The following IBA57 variants were observed in gnomAD, a reference collection of about 807,000 sequenced individuals.
IBA57 encodes iron-sulfur cluster assembly factor IBA57, mitochondrial.
A neutral mutation model predicts 20.4 loss-of-function variants in IBA57; 20 were observed. The ratio of observed to expected loss-of-function variants is 0.98; its 90% CI spans 0.69 to 1.42. The LOEUF (loss-of-function observed/expected upper bound fraction) is 1.42. Among genes scored for constraint, IBA57 ranks in the 40% most tolerant of loss-of-function variants. IBA57 has a pLI of 0.00. For missense variants in IBA57, 608 were observed against 499.3 expected, an observed-to-expected ratio of 1.22 and a Z score of -2.07; for synonymous variants, 310 against 233.9, an observed-to-expected ratio of 1.33 and a Z score of -2.97.
rs2035041444 is a variant in IBA57, at chr1:228,177,280, T to G, written c.*1767T>G. The G allele has an allele frequency of 6.6e-6, 1 of 152,214 alleles. No homozygotes were observed. Among genetic ancestry groups the G allele is most frequent in the African/African-American group, 2.4e-5 (1 of 41,402 alleles). 9.4% of individuals were successfully genotyped at this position (152,214 alleles called of 1,614,324 possible). ...TTTCCAGTGGGGCCTCCTTGAGTGCTGCAGCATCTGGGAGCATCCTAGCCT... is the reference window on the plus strand; with the variant it reads ...TTTCCAGTGGGGCCTCCTTGAGTGCGGCAGCATCTGGGAGCATCCTAGCCT... On this transcript the variant is annotated 3_prime_UTR_variant, in exon 3 of 3. Coordinates refer to ENST00000366711, the MANE Select transcript of IBA57 (RefSeq NM_001010867.4).
rs371005303 is a variant in IBA57 at position 228,182,192 on chromosome 1, C to T, written c.*6679C>T. The T allele has an allele frequency of 2.0e-4, 31 of 151,588 alleles. No individual in the cohort carries two copies. Among genetic ancestry groups the T allele is most frequent in the Admixed American group, 5.2e-4 (8 of 15,262 alleles). The allele number at this position is 151,588 out of a possible 1,614,324, so 9.4% of individuals were successfully genotyped here. ...CCATCTTTCATTGATTCATTCATTT[C>T]TTCATTCATTCAACCATGTATTGAA... is the stretch of plus-strand genomic sequence containing the variant. On this transcript the variant is annotated 3_prime_UTR_variant, in exon 3 of 3. Coordinates refer to ENST00000366711, the MANE Select transcript of IBA57 (RefSeq NM_001010867.4).
rs1359521449 is a variant in IBA57 at position 228,181,697 on chromosome 1, G to C, written c.*6184G>C. The C allele has an allele frequency of 6.6e-6, 1 of 152,262 alleles. No individual in the cohort carries two copies. The highest frequency in any genetic ancestry group is 1.5e-5 in the Non-Finnish European group (1 of 68,048). 9.4% of individuals were successfully genotyped at this position (152,262 alleles called of 1,614,324 possible). On this transcript the variant is annotated 3_prime_UTR_variant, in exon 3 of 3. Transcript: ENST00000366711. ...CTAGGAACTGCCAGACATTTTCCCG[G>C]AGTGAGTGCAGCATTTACATTCCCA...
At position 228,175,665 on chromosome 1, in the gene IBA57, C is replaced by A; in HGVS notation, c.*152C>A. On this transcript the variant is annotated 3_prime_UTR_variant, in exon 3 of 3. Coordinates refer to ENST00000366711, the MANE Select transcript of IBA57 (RefSeq NM_001010867.4). ...GAAAGTCCCCCTTGTAGGTGCCCTG[C>A]CTGGCCCCACCCATGCTCAGGGGCC... 2.0e-6 allele frequency: 2 copies of A among 990,936 alleles called. No individual in the cohort carries two copies. The highest frequency in any genetic ancestry group is 5.7e-5 in the East Asian group (2 of 35,202). The allele number at this position is 990,936 out of a possible 1,614,324, so 61.4% of individuals were successfully genotyped here.
chr1:228,166,306 G>A (rs1303122653), intron 1 of IBA57, 149 bp downstream of exon 1: 4 of 516,688 alleles, frequency 7.7e-6, no homozygotes, highest in Non-Finnish European at 1.3e-5. Flanking sequence ...GAAGCTCAAG[G>A]GTGGGTGGGC....
At position 228,175,341 on chromosome 1, in the gene IBA57, T is replaced by C; in HGVS notation, c.899T>C (p.Leu300Pro). ...TSGITPGATV[L>P]TASGQTVGKF... Reference sequence around the variant, plus strand: ...GGCATCACCCCTGGTGCCACGGTGCTGACTGCCTCAGGACAGACTGTGGGC... The same window carrying C: ...GGCATCACCCCTGGTGCCACGGTGCCGACTGCCTCAGGACAGACTGTGGGC... The change falls in exon 3 of 3, where the codon CTG (leucine) becomes CCG (proline). Residue 300 changes from leucine (L) to proline (P), a missense_variant. By Grantham distance (98) the Leu-to-Pro change is moderately conservative. Transcript: ENST00000366711. The C allele has an allele frequency of 1.2e-6, 2 of 1,612,992 alleles. No homozygotes were observed. The highest frequency in any genetic ancestry group is 1.7e-6 in the Non-Finnish European group (2 of 1,179,988).
At chr1:228,169,389 A>T (rs965500582) in intron 1 of IBA57, among the ~76,000 whole-genome samples, 1 of 152,150 alleles carries the variant, frequency 6.6e-6, no homozygotes. Context: ...ATGAAACTAT[A>T]GTTATTTGGT....
chr1:228,169,969 C>T (rs570425666), intron 1 of IBA57, among the ~76,000 whole-genome samples: 9 of 152,178 alleles, frequency 5.9e-5, no homozygotes, highest in East Asian at 3.9e-4. Context: ...CAGGTTCAAG[C>T]GATTCTCCTG....
Position 228,179,589 on chromosome 1 carries a change from C to A in IBA57, c.*4076C>A, listed in dbSNP as rs2035076937. On this transcript the variant is annotated 3_prime_UTR_variant, in exon 3 of 3. Transcript: ENST00000366711. The stretch of plus-strand genomic sequence containing the variant: ...AAATACGGCTGAGAACTTTCCCAAA[C>A]CAACAGGAGCCCCTGCTCCTTAGGT... 6.6e-6 allele frequency: 1 copy of A among 152,142 alleles called. No individual in the cohort carries two copies. The highest frequency in any genetic ancestry group is 2.1e-4 in the South Asian group (1 of 4,824). The allele number at this position is 152,142 out of a possible 1,614,324, so 9.4% of individuals were successfully genotyped here.
At chr1:228,166,633 G>A (rs2034857626) in intron 1 of IBA57, among the ~76,000 whole-genome samples, 1 of 152,218 alleles carries the variant, frequency 6.6e-6, no homozygotes, top group Non-Finnish European at 1.5e-5. Flanking sequence ...TGACACTCCC[G>A]AGTTCTGTTT....
rs1414600826 is a variant in IBA57 at position 228,165,991 on chromosome 1, C to T, written c.175C>T (p.Leu59=). The change falls in exon 1 of 3, where the codon CTG becomes TTG. Residue 59 remains leucine, a synonymous_variant. Transcript: ENST00000366711. ...CTTCCGGCTGGACGGGCGCACCCTG[C>T]TGCGCGTGCGTGGCCCCGACGCGGC... ...ACFRLDGRTL[L]RVRGPDAAPF... is the part of the protein sequence containing the mutation. The T allele has an allele frequency of 6.6e-7, 1 of 1,526,206 alleles. No individual in the cohort carries two copies. The highest frequency in any genetic ancestry group is 8.7e-7 in the Non-Finnish European group (1 of 1,144,170). 94.5% of individuals were successfully genotyped at this position (1,526,206 alleles called of 1,614,324 possible).
At chr1:228,172,278 G>T (rs2034940375) in intron 1 of IBA57, 1 of 152,204 alleles carries the variant, frequency 6.6e-6, no homozygotes, top group Non-Finnish European at 1.5e-5. Flanking sequence ...GCACGCATGT[G>T]TATAACTGCA....
intron 1 of IBA57, among the ~76,000 whole-genome samples, chr1:228,169,352 T>C (rs1262171148): frequency 3.3e-5 from 5 of 152,224 alleles, no homozygotes; most frequent in Non-Finnish European, 7.3e-5. Flanking sequence ...CCTATTCTTG[T>C]TTCCTGAATG....
Position 228,175,191 on chromosome 1 carries a change from TGAAC to T in IBA57, c.751_754del (p.Asn251AlafsTer2), listed in dbSNP as rs1558126440. 2 of 1,612,888 alleles carry T rather than the reference TGAAC, an allele frequency of 1.2e-6. No homozygotes were observed. Among genetic ancestry groups the T allele is most frequent in the South Asian group, 2.2e-5 (2 of 91,080 alleles). ...CCCCTGGAGTCCAACCTGGCCTTCA[TGAAC>T]GGCGTGAGCTTCACCAAAGGCTGCT... On this transcript the variant is annotated frameshift_variant, in exon 3 of 3. Transcript: ENST00000366711. LOFTEE classifies it low-confidence loss of function (END_TRUNC).
Position 228,175,461 on chromosome 1 carries a change from A to T in IBA57, c.1019A>T (p.Gln340Leu). 6.2e-7 allele frequency: 1 copy of T among 1,603,418 alleles called. No individual in the cohort carries two copies. The highest frequency in any genetic ancestry group is 8.5e-7 in the Non-Finnish European group (1 of 1,173,892). Residue 340 changes from glutamine (Q) to leucine (L), a missense_variant, in exon 3 of 3, where the codon CAG (glutamine) becomes CTG (leucine). By Grantham distance (113) the Gln-to-Leu change is moderately radical. Coordinates refer to ENST00000366711, the MANE Select transcript of IBA57 (RefSeq NM_001010867.4). ...CACATCAGAGCCTCTGAGGGTGCCC[A>T]GGTGGCCTTAGCCGCATCTGTGCCA... ...PLHIRASEGA[Q>L]VALAASVPDW...
intron 1 of IBA57, among the ~76,000 whole-genome samples, chr1:228,173,882 G>C (rs968265945): frequency 6.6e-6 from 1 of 152,220 alleles, no homozygotes; most frequent in African/African-American, 2.4e-5. Flanking sequence ...GTCTGTCTGC[G>C]CTGGCCCCTG....
In IBA57 at chr1:228,175,049, G is replaced by T. The variant is rs778604511; in HGVS notation, c.679+20G>T. 5.8e-6 allele frequency: 9 copies of T among 1,562,252 alleles called. No homozygotes were observed. The highest frequency in any genetic ancestry group is 2.3e-5 in the East Asian group (1 of 44,392). On this transcript the variant is annotated intron_variant, in intron 2 of 2. Transcript: ENST00000366711. ...TGCAAGGTATGGGTGGGGTGGGCAC[G>T]CTGGGCTGGATTGCACGGGTGGAGC... is the stretch of plus-strand genomic sequence containing the variant.
At position 228,166,063 on chromosome 1, in the gene IBA57, CCTGCGGCCGCGGGGGCCCCGCCTG is replaced by C. The variant is rs764566232; in HGVS notation, c.253_276del (p.Ala85_Ala92del). On this transcript the variant is annotated inframe_deletion, in exon 1 of 3. Coordinates refer to ENST00000366711, the MANE Select transcript of IBA57 (RefSeq NM_001010867.4). ...GACCAATGAACTGCCGCTTCCGAGT[CCTGCGGCCGCGGGGGCCCCGCCTG>C]CTGCGCGCGCGGGCTACGCCCACTT... 53 of 1,537,628 alleles carry C rather than the reference CCTGCGGCCGCGGGGGCCCCGCCTG, an allele frequency of 3.4e-5. No homozygotes were observed. The African/African-American group carries it at 6.8e-4, about 20-fold the overall frequency.
At position 228,166,170 on chromosome 1, in the gene IBA57, T is replaced by TGGGG; in HGVS notation, c.341+16_341+17insGGGG. 1 of 1,374,738 alleles carries TGGGG rather than the reference T, an allele frequency of 7.3e-7. No homozygotes were observed. The highest frequency in any genetic ancestry group is 9.5e-7 in the Non-Finnish European group (1 of 1,050,898). The allele number at this position is 1,374,738 out of a possible 1,614,324, so 85.2% of individuals were successfully genotyped here. ...TCATCTTGTACGGGTGAGCGCGTGC[T>TGGGG]GGGAGGGCGCTCGGGGGCGGGCACC... On this transcript the variant is annotated intron_variant, in intron 1 of 2. Transcript: ENST00000366711.
intron 1 of IBA57, among the ~76,000 whole-genome samples, chr1:228,169,085 G>T (rs753123329): frequency 6.6e-6 from 1 of 152,066 alleles, no homozygotes; most frequent in Non-Finnish European, 1.5e-5. Flanking sequence ...GTTCATGAGA[G>T]TGTAAACTCT....
Sources: gnomAD v4.1 joint callset for allele counts (sites outside exome capture counted in the v4.1 genomes callset) on GRCh38, gnomAD v4.1.1 for gene constraint, MANE v1.5 for transcripts, NCBI Gene and HGNC (gene_info 2026-07-23, HGNC 2026-07-21) for gene names.